Variants in SFSWAP observed in about 807,000 individuals in gnomAD.
SFSWAP encodes the protein splicing factor SWAP, also known as splicing factor, suppressor of white-apricot homolog.
In SFSWAP, 17 loss-of-function variants were observed where a neutral mutation model predicts 100.7. That is an observed-to-expected ratio of 0.17 (90% confidence interval 0.12 to 0.25). The LOEUF (loss-of-function observed/expected upper bound fraction) is 0.25, where lower values mean the gene tolerates loss of function less well. Ranked by LOEUF, SFSWAP falls within the 10% of genes least tolerant of loss-of-function variation. SFSWAP has a pLI of 1.00. For synonymous variants in SFSWAP, 504 were observed against 510.1 expected, an observed-to-expected ratio of 0.99 and a Z score of 0.16; for missense variants, 1,005 against 1,262.6, an observed-to-expected ratio of 0.80 and a Z score of 3.09.
In SFSWAP at chr12:131,728,360, C is replaced by G. The variant is rs1879185511; in HGVS notation, c.1013C>G (p.Ser338Cys). ...GTTCGTAAGGCACAGGCTGACAGTT[C>G]CACTCCCACCCCACACAACGCAGAC... ...ALVRKAQADS[S>C]TPTPHNADGA... The change falls in exon 7 of 18, where the codon TCC (serine) becomes TGC (cysteine). Residue 338 changes from serine (S) to cysteine (C), a missense_variant. Ser to Cys is a moderately radical substitution (Grantham distance 112, BLOSUM62 -1). This residue lies in a region of SFSWAP where 311 missense variants were observed against 317.8 expected (regional missense o/e 0.98). Transcript: ENST00000261674. 1.2e-6 allele frequency: 2 copies of G among 1,614,192 alleles called. No homozygotes were observed. Among genetic ancestry groups the G allele is most frequent in the Non-Finnish European group, 1.7e-6 (2 of 1,180,020 alleles).
intron 15 of SFSWAP, among the ~76,000 whole-genome samples, chr12:131,787,945 G>C (rs1885012649): frequency 1.3e-5 from 2 of 152,222 alleles, no homozygotes; most frequent in South Asian, 4.1e-4. Context: ...ACCTGGCTCT[G>C]TTTATAAATT....
chr12:131,749,590 T>C (rs1158107913), intron 7 of SFSWAP, among the ~76,000 whole-genome samples: 2 of 152,132 alleles, frequency 1.3e-5, no homozygotes, highest in African/African-American at 4.8e-5. Flanking sequence ...AGTTAAAGGG[T>C]TCTGTGAGCT....
At chr12:131,780,005 C>T (rs1274141622) in intron 14 of SFSWAP, among the ~76,000 whole-genome samples, 1 of 152,148 alleles carries the variant, frequency 6.6e-6, no homozygotes, top group East Asian at 1.9e-4. Context: ...AGGCTGGTCT[C>T]GAACTCCTGA....
chr12:131,719,355 C>G, intron 3 of SFSWAP, 99 bp from the exon 4 acceptor site: 1 of 806,556 alleles, frequency 1.2e-6, no homozygotes, highest in Non-Finnish European at 2.1e-6. Flanking sequence ...GGTAAAGAAG[C>G]AGGGACAGCC....
In SFSWAP at chr12:131,781,904, C is replaced by T. The variant is rs113721561; in HGVS notation, c.2408+3574C>T. 9.0e-3 allele frequency among the ~76,000 whole-genome samples: 1,370 copies of T among 152,286 alleles called. 9 individuals are homozygous for T. The highest frequency in any genetic ancestry group is 0.014 in the Non-Finnish European group (963 of 68,022). On this transcript the variant is annotated intron_variant, in intron 14 of 17. Transcript: ENST00000261674. ...ATGAAAATAATATTATAAAACAAAA[C>T]CTTCCAGGTGTTGGATTGTCTAGCA...
At chr12:131,780,700 A>G (rs1884428884) in intron 14 of SFSWAP, among the ~76,000 whole-genome samples, 1 of 152,166 alleles carries the variant, frequency 6.6e-6, no homozygotes, top group South Asian at 2.1e-4. Context: ...AAAATTTCCC[A>G]CTTGAATATG....
chr12:131,786,618 G>A (rs749562665), intron 15 of SFSWAP, 30 bp downstream of exon 15: 3 of 1,573,806 alleles, frequency 1.9e-6, no homozygotes, highest in Admixed American at 1.8e-5. Flanking sequence ...CGCAGGTGCT[G>A]GATGTGGGCC....
At chr12:131,792,977 T>C (rs1295093488) in intron 15 of SFSWAP, among the ~76,000 whole-genome samples, 1 of 151,872 alleles carries the variant, frequency 6.6e-6, no homozygotes, top group African/African-American at 2.4e-5. Context: ...AGCATGAGGA[T>C]ACAATAGAGC....
intron 15 of SFSWAP, chr12:131,796,092 A>G (rs1800092153): frequency 6.7e-6 from 1 of 149,068 alleles, no homozygotes; most frequent in Admixed American, 6.8e-5. Flanking sequence ...GAAATCAGTG[A>G]TGCAAATGAC....
intron 15 of SFSWAP, among the ~76,000 whole-genome samples, chr12:131,792,294 C>G (rs1478223384): frequency 6.7e-6 from 1 of 148,776 alleles, no homozygotes; most frequent in Non-Finnish European, 1.5e-5. Flanking sequence ...CAGATCAGTA[C>G]TGTGTGTGCA....
Position 131,714,758 on chromosome 12 carries a change from AATAT to A in SFSWAP, c.389-60_389-57del, listed in dbSNP as rs770420325. The A allele has an allele frequency of 3.6e-5, 52 of 1,456,646 alleles. No homozygotes were observed. Among genetic ancestry groups the A allele is most frequent in the Non-Finnish European group, 4.4e-5 (46 of 1,048,430 alleles). The allele number at this position is 1,456,646 out of a possible 1,614,324, so 90.2% of individuals were successfully genotyped here. On this transcript the variant is annotated intron_variant, in intron 2 of 17. Transcript: ENST00000261674. The surrounding 1 kb of genome is among the most constrained non-coding windows in gnomAD (Gnocchi z 6.0). ...CTTTACTGATAGCTACAACTTTAGA[AATAT>A]ATAAAGTTTTTCTCAGTAATTTTCT...
At position 131,714,200 on chromosome 12, in the gene SFSWAP, A is replaced by C. The variant is rs772070662; in HGVS notation, c.348A>C (p.Leu116Phe). Residue 116 changes from leucine to phenylalanine, a missense_variant, in exon 2 of 18, where the codon TTA becomes TTC. Coordinates refer to ENST00000261674, the MANE Select transcript of SFSWAP (RefSeq NM_004592.4). This position sits in a 1 kb window ranked among gnomAD's most constrained non-coding sequence, Gnocchi z 6.0. ...CCCTGTGTGATGAAGAGAGGTATTT[A>C]GCCTTGCATACGGACTTGCTTGAGG... ...IEALCDEERY[L>F]ALHTDLLEEE... 6.2e-7 allele frequency: 1 copy of C among 1,613,910 alleles called. No homozygotes were observed. The highest frequency in any genetic ancestry group is 1.1e-5 in the South Asian group (1 of 91,052).
chr12:131,769,060 G>A (rs1446672065), intron 13 of SFSWAP, among the ~76,000 whole-genome samples: 4 of 151,824 alleles, frequency 2.6e-5, no homozygotes, highest in Non-Finnish European at 5.9e-5. Context: ...CTGGCAGGCA[G>A]AGGTTGCAGT....
chr12:131,733,612 G>A lies in SFSWAP; in HGVS notation c.1081+5184G>A, dbSNP rs541137342. On this transcript the variant is annotated intron_variant, in intron 7 of 17. Transcript: ENST00000261674. The surrounding 1 kb of genome is among the most constrained non-coding windows in gnomAD (Gnocchi z 5.1). ...TCACTGTGTTTCTTGGGGGCTCACC[G>A]ACTGCAGCCGTATTCCTGGAGAGAG... is the stretch of plus-strand genomic sequence containing the variant. 2.6e-5 allele frequency among the ~76,000 whole-genome samples: 4 copies of A among 152,054 alleles called. No individual in the cohort carries two copies. Among genetic ancestry groups the A allele is most frequent in the East Asian group, 3.9e-4 (2 of 5,138 alleles).
chr12:131,770,905 C>T (rs553042972), intron 13 of SFSWAP, among the ~76,000 whole-genome samples: 1 of 152,302 alleles, frequency 6.6e-6, no homozygotes, highest in South Asian at 2.1e-4. Context: ...GAACGGGACT[C>T]CTGGGGACCG....
chr12:131,731,402 G>C (rs540147786), intron 7 of SFSWAP, among the ~76,000 whole-genome samples: 1 of 152,312 alleles, frequency 6.6e-6, no homozygotes, highest in Non-Finnish European at 1.5e-5. Context: ...GAAGTTTCGT[G>C]GGTGAAAGTC....
At chr12:131,742,791 C>T (rs1880773072) in intron 7 of SFSWAP, among the ~76,000 whole-genome samples, 2 of 152,064 alleles carry the variant, frequency 1.3e-5, no homozygotes, top group Non-Finnish European at 2.9e-5. Context: ...ATATGGATAG[C>T]CTCATGGTTT....
intron 13 of SFSWAP, among the ~76,000 whole-genome samples, chr12:131,776,477 G>A (rs1884034267): frequency 6.6e-6 from 1 of 152,250 alleles, no homozygotes; most frequent in African/African-American, 2.4e-5. Context: ...CCCCACCAGG[G>A]CTCTGCTGAA....
At chr12:131,727,387 A>G (rs1566009221) in intron 6 of SFSWAP, among the ~76,000 whole-genome samples, 1 of 152,190 alleles carries the variant, frequency 6.6e-6, no homozygotes, top group Non-Finnish European at 1.5e-5. Context: ...TGGCTTACAC[A>G]TGTAATCCTA....
Sources: gnomAD v4.1 joint callset for allele counts (sites outside exome capture counted in the v4.1 genomes callset) on GRCh38, gnomAD v4.1.1 for gene constraint, gnomAD v4.1.1 regional missense constraint, Gnocchi (gnomAD v3.1) non-coding constraint, MANE v1.5 for transcripts, NCBI Gene and HGNC (gene_info 2026-07-23, HGNC 2026-07-21) for gene names.